The following SLC22A23 variants were observed in gnomAD, a reference collection of about 807,000 sequenced individuals.
SLC22A23 encodes the protein solute carrier family 22 member 23.
A neutral mutation model predicts 61.0 loss-of-function variants in SLC22A23; 26 were observed. The ratio of observed to expected loss-of-function variants is 0.43; its 90% CI spans 0.31 to 0.59. The LOEUF is 0.59. Among genes scored for constraint, SLC22A23 ranks in the 20% least tolerant of loss-of-function variants. The pLI is 0.11. For missense variants in SLC22A23, 796 were observed against 934.7 expected (o/e 0.85, Z 1.94); for synonymous variants, 430 against 413.9 (o/e 1.04, Z -0.47).
intron 3 of SLC22A23, among the ~76,000 whole-genome samples, chr6:3,349,022 A>ACCAGAAAG (rs1764608631): frequency 6.6e-6 from 1 of 152,206 alleles, no homozygotes; most frequent in Non-Finnish European, 1.5e-5. Flanking sequence ...CTCTGGGTAA[A>ACCAGAAAG]CCAGAAAGCC....
chr6:3,456,565 G>C lies in SLC22A23; in HGVS notation c.-6C>G. 2 of 983,430 alleles carry C rather than the reference G, an allele frequency of 2.0e-6. No individual in the cohort carries two copies. The highest frequency in any genetic ancestry group is 2.4e-6 in the Non-Finnish European group (2 of 830,352). The allele number at this position is 983,430 out of a possible 1,614,324, so 60.9% of individuals were successfully genotyped here. ...CGCCGCCGGTCTATGGCCATGGCCC[G>C]GGCCCGCGGCTCCCGCAGAGGCGCA... On this transcript the variant is annotated 5_prime_UTR_variant, in exon 1 of 10. Transcript: ENST00000406686. The surrounding 1 kb of genome is among the most constrained non-coding windows in gnomAD (Gnocchi z 7.1).
In SLC22A23 at chr6:3,444,920, C is replaced by A. The variant is rs536286623; in HGVS notation, c.654+10986G>T. The A allele has an allele frequency of 8.5e-5, 84 of 985,446 alleles. No individual in the cohort carries two copies. The Admixed American group carries it at 1.3e-3, about 15-fold the overall frequency. The allele number at this position is 985,446 out of a possible 1,614,324, so 61.0% of individuals were successfully genotyped here. On this transcript the variant is annotated intron_variant, in intron 1 of 9. Coordinates refer to ENST00000406686, the MANE Select transcript of SLC22A23 (RefSeq NM_015482.2). ...AGGTGTGGCCTTCAGCTCCTCCCCC[C>A]TCAAAGTGCTTCTCAGACGACTCAT...
intron 1 of SLC22A23, among the ~76,000 whole-genome samples, chr6:3,441,752 C>T (rs868806952): frequency 6.6e-6 from 1 of 152,168 alleles, no homozygotes; most frequent in Non-Finnish European, 1.5e-5. Context: ...CATCCTGTGC[C>T]GCATGCCAGG....
intron 2 of SLC22A23, among the ~76,000 whole-genome samples, chr6:3,412,297 G>T (rs1003098481): frequency 6.6e-6 from 1 of 152,188 alleles, no homozygotes; most frequent in Non-Finnish European, 1.5e-5. Context: ...CACTGTCTTT[G>T]AAGTCAGAGT....
intron 4 of SLC22A23, among the ~76,000 whole-genome samples, chr6:3,305,132 G>A (rs945305827): frequency 6.6e-6 from 1 of 152,164 alleles, no homozygotes; most frequent in Non-Finnish European, 1.5e-5. Context: ...TGTCCCCCGT[G>A]TGTGATGCTT....
chr6:3,425,442 G>A (rs1017366221), intron 1 of SLC22A23, among the ~76,000 whole-genome samples: 6 of 151,668 alleles, frequency 4.0e-5, no homozygotes, highest in African/African-American at 9.7e-5. Context: ...CCGCCACCAC[G>A]CCCGGCTAAT....
chr6:3,343,517 G>A (rs913409317), intron 3 of SLC22A23, among the ~76,000 whole-genome samples: 2 of 128,528 alleles, frequency 1.6e-5, no homozygotes, highest in South Asian at 2.5e-4. Context: ...TAATGTCCTC[G>A]TTTTAGACAT....
chr6:3,411,856 G>C (rs1222475539), intron 2 of SLC22A23, among the ~76,000 whole-genome samples: 1 of 152,208 alleles, frequency 6.6e-6, no homozygotes, highest in African/African-American at 2.4e-5. Context: ...CCAGTGCTGG[G>C]ATCAGGAAGC....
At chr6:3,282,817 T>C (rs1209485612) in intron 9 of SLC22A23, among the ~76,000 whole-genome samples, 1 of 152,200 alleles carries the variant, frequency 6.6e-6, no homozygotes, top group African/African-American at 2.4e-5. Flanking sequence ...TGCCTTTTTA[T>C]TAACCTATAA....
chr6:3,399,828 T>C (rs1768259800), intron 3 of SLC22A23, among the ~76,000 whole-genome samples: 1 of 152,224 alleles, frequency 6.6e-6, no homozygotes, highest in African/African-American at 2.4e-5. Flanking sequence ...CTTGAGTTTA[T>C]TGTCCTCTCC....
At chr6:3,312,308 C>T (rs957826344) in intron 4 of SLC22A23, 1 of 152,048 alleles carries the variant, frequency 6.6e-6, no homozygotes, top group African/African-American at 2.4e-5. Context: ...CTCATTTATC[C>T]GTAGAAGCAA....
chr6:3,295,090 G>A (rs1331384486), intron 5 of SLC22A23, among the ~76,000 whole-genome samples: 4 of 152,242 alleles, frequency 2.6e-5, no homozygotes, highest in South Asian at 2.1e-4. Flanking sequence ...TCAGGCCTTC[G>A]GCTGGGCTGC....
chr6:3,418,284 T>C (rs944916265), intron 1 of SLC22A23, among the ~76,000 whole-genome samples: 6 of 152,232 alleles, frequency 3.9e-5, no homozygotes, highest in Non-Finnish European at 8.8e-5. Context: ...CCCCCAAGAC[T>C]TCCCATTGAT....
At chr6:3,377,481 G>C (rs1766652228) in intron 3 of SLC22A23, among the ~76,000 whole-genome samples, 1 of 152,192 alleles carries the variant, frequency 6.6e-6, no homozygotes, top group Non-Finnish European at 1.5e-5. Flanking sequence ...AGGCCACCCT[G>C]CTGTGCCTGA....
At chr6:3,437,852 A>G (rs1472094043) in intron 1 of SLC22A23, among the ~76,000 whole-genome samples, 2 of 147,250 alleles carry the variant, frequency 1.4e-5, no homozygotes, top group Non-Finnish European at 3.0e-5. Flanking sequence ...GGTTCAAATG[A>G]TTCTCCTGCC....
chr6:3,337,095 A>C (rs946006017), intron 3 of SLC22A23, among the ~76,000 whole-genome samples: 6 of 152,198 alleles, frequency 3.9e-5, no homozygotes, highest in African/African-American at 1.2e-4. Context: ...GGTGTGAGCC[A>C]CCACTCCTGG....
chr6:3,438,345 C>A (rs1771358645), intron 1 of SLC22A23: 1 of 359,192 alleles, frequency 2.8e-6, no homozygotes, highest in South Asian at 2.1e-5. Flanking sequence ...ACTTTCGGAG[C>A]CGGCAAAGCC....
chr6:3,364,315 G>T (rs1338112106), intron 3 of SLC22A23, among the ~76,000 whole-genome samples: 1 of 152,126 alleles, frequency 6.6e-6, no homozygotes, highest in Admixed American at 6.5e-5. Context: ...CAATTCCCAT[G>T]TTACACTTCA....
rs1383306452 is a variant in SLC22A23, at chr6:3,454,631, A to AG, written c.654+1274dup. Among the ~76,000 whole-genome samples, 1 of 152,194 alleles carries AG rather than the reference A, an allele frequency of 6.6e-6. No individual in the cohort carries two copies. The highest frequency in any genetic ancestry group is 2.4e-5 in the African/African-American group (1 of 41,444). On this transcript the variant is annotated intron_variant, in intron 1 of 9. Coordinates refer to ENST00000406686, the MANE Select transcript of SLC22A23 (RefSeq NM_015482.2). This position sits in a 1 kb window ranked among gnomAD's most constrained non-coding sequence, Gnocchi z 4.3. ...AGTCACAGAAACACCTTTAGAAAGC[A>AG]GGGGGTAGGAGGTGGGTGGGATCAA... is the stretch of plus-strand genomic sequence containing the variant.
Sources: allele counts gnomAD v4.1 joint callset (sites outside exome capture counted in the v4.1 genomes callset), GRCh38; gene constraint gnomAD v4.1.1; non-coding constraint Gnocchi (gnomAD v3.1); transcripts MANE v1.5; gene names NCBI Gene and HGNC (gene_info 2026-07-23, HGNC 2026-07-21).